Variants in ACD observed in about 807,000 individuals in gnomAD.
ACD encodes ACD shelterin complex subunit and telomerase recruitment factor, also known as adrenocortical dysplasia protein homolog.
A neutral mutation model predicts 53.9 loss-of-function variants in ACD; 39 were observed. That is an observed-to-expected ratio of 0.72 (90% CI 0.56 to 0.95). The LOEUF (loss-of-function observed/expected upper bound fraction) is 0.95. Ranked by LOEUF, ACD falls within the 40% of genes least tolerant of loss-of-function variation. ACD has a pLI of 0.00. For synonymous variants in ACD, 273 were observed against 249.2 expected (o/e 1.10, Z -0.90); for missense variants, 526 against 587.9 (o/e 0.89, Z 1.09).
At chr16:67,659,202 A>G (rs764181425) in intron 6 of ACD, 27 bp downstream of exon 6, 71 of 1,614,018 alleles carry the variant, frequency 4.4e-5, no homozygotes, top group Non-Finnish European at 5.9e-5. Flanking sequence ...ACAGCGTGTT[A>G]GGATCACTGG....
In ACD at chr16:67,659,617, G is replaced by A. The variant is rs201948166; in HGVS notation, c.337-4C>T. 6.2e-7 allele frequency: 1 copy of A among 1,613,408 alleles called. No homozygotes were observed. Among genetic ancestry groups the A allele is most frequent in the Non-Finnish European group, 8.5e-7 (1 of 1,179,984 alleles). ...CCTGGAGATAGAACTCTGCGGGCTG[G>A]AGGAGTTCGGGGGGAAGGGGGGGTC... On this transcript the variant is annotated splice_region_variant and splice_polypyrimidine_tract_variant and intron_variant, in intron 3 of 11. Transcript: ENST00000620761.
Position 67,657,864 on chromosome 16 carries a change from T to G in ACD, c.1207-11A>C. On this transcript the variant is annotated splice_polypyrimidine_tract_variant and intron_variant, in intron 10 of 11. Coordinates refer to ENST00000620761, the MANE Select transcript of ACD (RefSeq NM_001082486.2). This position sits in a 1 kb window ranked among gnomAD's most constrained non-coding sequence, Gnocchi z 4.5. ...CCTCTTTGGGGGTTCCTGAAAGGGG[T>G]ATGGTGTCTGGGGAAGAGCTAACAA... The G allele has an allele frequency of 6.2e-7, 1 of 1,613,654 alleles. No individual in the cohort carries two copies.
rs2142968732 is a variant in ACD at position 67,658,324 on chromosome 16, T to C, written c.868A>G (p.Ser290Gly). The change falls in exon 10 of 12, where the codon AGT becomes GGT. Residue 290 changes from serine (S) to glycine (G), a missense_variant. Coordinates refer to ENST00000620761, the MANE Select transcript of ACD (RefSeq NM_001082486.2). ...ALPGHMSSEE[S>G]GTSISLLPAL... is the part of the protein sequence containing the mutation. ...GGCAGAAGGCTGATGCTGGTACCAC[T>C]TTCCTCGGATGACATGTGGCCGGGT... The C allele has an allele frequency of 6.2e-7, 1 of 1,613,830 alleles. No individual in the cohort carries two copies. Among genetic ancestry groups the C allele is most frequent in the South Asian group, 1.1e-5 (1 of 91,086 alleles).
rs1567640723 is a variant in ACD at position 67,658,646 on chromosome 16, G to A, written c.743-5C>T. ...CTGGTGGGGGCAGCTCAGGGCCTGGGGGGTTCAGGAAGTCTTATCAGCACT... is the reference window on the plus strand; with the variant it reads ...CTGGTGGGGGCAGCTCAGGGCCTGGAGGGTTCAGGAAGTCTTATCAGCACT... On this transcript the variant is annotated splice_region_variant and splice_polypyrimidine_tract_variant and intron_variant, in intron 8 of 11. Coordinates refer to ENST00000620761, the MANE Select transcript of ACD (RefSeq NM_001082486.2). The A allele has an allele frequency of 1.3e-6, 2 of 1,581,304 alleles. No homozygotes were observed. The highest frequency in any genetic ancestry group is 1.7e-6 in the Non-Finnish European group (2 of 1,161,624).
chr16:67,659,348 G>A (rs2052949642), intron 5 of ACD, 27 bp downstream of exon 5: 2 of 1,613,932 alleles, frequency 1.2e-6, no homozygotes, highest in Admixed American at 1.7e-5. Flanking sequence ...AACAACACGT[G>A]GCCCCCGAGC....
rs755174684 is a variant in ACD, at chr16:67,658,862, C to T, written c.646-46G>A. On this transcript the variant is annotated intron_variant, in intron 7 of 11. Coordinates refer to ENST00000620761, the MANE Select transcript of ACD (RefSeq NM_001082486.2). ...AGGACAGGCCCGTTTACTCTCATGT[C>T]CTGTGGGATATGACCCTTGCCCAAC... is the stretch of plus-strand genomic sequence containing the variant. 15 of 1,603,180 alleles carry T rather than the reference C, an allele frequency of 9.4e-6. No individual in the cohort carries two copies. In the East Asian group the frequency reaches 1.3e-4, roughly 14 times the overall value.
In ACD at chr16:67,658,274, G is replaced by A. The variant is rs1192731071; in HGVS notation, c.918C>T (p.Asp306=). ...LLPALSLAAP[D]PGQRSSSQPS... ...GCTGGGAGCTGCTTCTCTGCCCTGG[G>A]TCTGGAGCAGCCAAGGACAGGGCAG... Residue 306 remains aspartate, a synonymous_variant, in exon 10 of 12, where the codon GAC becomes GAT. Transcript: ENST00000620761. 6.2e-7 allele frequency: 1 copy of A among 1,613,762 alleles called. No individual in the cohort carries two copies.
Position 67,658,633 on chromosome 16 carries a change from G to A in ACD, c.751C>T (p.Leu251=). ...GPCQRTQGPE[L]PPPDPALQDL... is the part of the protein sequence containing the mutation. ...TGCAGAGCCGGGTCTGGTGGGGGCA[G>A]CTCAGGGCCTGGGGGGTTCAGGAAG... is the stretch of plus-strand genomic sequence containing the variant. The change falls in exon 9 of 12, where the codon CTG becomes TTG. Residue 251 remains leucine (L), a synonymous_variant. Coordinates refer to ENST00000620761, the MANE Select transcript of ACD (RefSeq NM_001082486.2). The A allele has an allele frequency of 6.3e-7, 1 of 1,578,830 alleles. No homozygotes were observed. The highest frequency in any genetic ancestry group is 8.6e-7 in the Non-Finnish European group (1 of 1,161,022).
rs749931556 is a variant in ACD, at chr16:67,657,880, G to T, written c.1207-27C>A. ...TGAAAGGGGTATGGTGTCTGGGGAA[G>T]AGCTAACAAGGACCCCAACCCCATC... On this transcript the variant is annotated intron_variant, in intron 10 of 11. Coordinates refer to ENST00000620761, the MANE Select transcript of ACD (RefSeq NM_001082486.2). This position sits in a 1 kb window ranked among gnomAD's most constrained non-coding sequence, Gnocchi z 4.5. 2.5e-6 allele frequency: 4 copies of T among 1,613,760 alleles called. No homozygotes were observed. In the Admixed American group the frequency reaches 6.7e-5, roughly 27 times the overall value.
rs377247506 is a variant in ACD, at chr16:67,660,229, C to A, written c.-9G>T. On this transcript the variant is annotated 5_prime_UTR_variant, in exon 1 of 12. Transcript: ENST00000620761. The stretch of plus-strand genomic sequence containing the variant: ...CTCCCCGAACCTGCCATCCCCACGG[C>A]TACACCCAGCGGATGCAACGGGCCC... 58 of 1,612,604 alleles carry A rather than the reference C, an allele frequency of 3.6e-5. No homozygotes were observed. Among genetic ancestry groups the A allele is most frequent in the Middle Eastern group, 1.6e-4 (1 of 6,084 alleles).
At position 67,657,967 on chromosome 16, in the gene ACD, G is replaced by C. The variant is rs369838980; in HGVS notation, c.1206+19C>G. ...GCCTTCCTTGTTCTACCCTCCAGCT[G>C]CAGAGGGGCTATGCTCACCCAGACA... On this transcript the variant is annotated intron_variant, in intron 10 of 11. Transcript: ENST00000620761. This position sits in a 1 kb window ranked among gnomAD's most constrained non-coding sequence, Gnocchi z 4.5. 2.5e-6 allele frequency: 4 copies of C among 1,585,978 alleles called. No individual in the cohort carries two copies. The highest frequency in any genetic ancestry group is 2.6e-6 in the Non-Finnish European group (3 of 1,164,160).
chr16:67,657,968 C>T lies in ACD; in HGVS notation c.1206+18G>A, dbSNP rs2052906938. On this transcript the variant is annotated intron_variant, in intron 10 of 11. Transcript: ENST00000620761. This position sits in a 1 kb window ranked among gnomAD's most constrained non-coding sequence, Gnocchi z 4.5. ...CCTTCCTTGTTCTACCCTCCAGCTGCAGAGGGGCTATGCTCACCCAGACAG... is the reference window on the plus strand; with the variant it reads ...CCTTCCTTGTTCTACCCTCCAGCTGTAGAGGGGCTATGCTCACCCAGACAG... 1.3e-6 allele frequency: 2 copies of T among 1,585,596 alleles called. No homozygotes were observed. The highest frequency in any genetic ancestry group is 1.7e-6 in the Non-Finnish European group (2 of 1,163,910).
rs1345285917 is a variant in ACD, at chr16:67,659,590, C to CA, written c.359dup (p.Asp121GlyfsTer30). On this transcript the variant is annotated frameshift_variant, in exon 4 of 12. Transcript: ENST00000620761. LOFTEE classifies it high-confidence loss of function. The stretch of plus-strand genomic sequence containing the variant: ...CCGTGGGCAGCAGGCTGAAGCGGTC[C>CA]ACCTGGAGATAGAACTCTGCGGGCT... The CA allele has an allele frequency of 2.5e-6, 4 of 1,613,532 alleles. No homozygotes were observed. Among genetic ancestry groups the CA allele is most frequent in the Non-Finnish European group, 3.4e-6 (4 of 1,179,982 alleles).
chr16:67,659,460 T>A, intron 4 of ACD, 41 bp from the exon 5 acceptor site: 2 of 1,613,998 alleles, frequency 1.2e-6, no homozygotes, highest in Non-Finnish European at 1.7e-6. Context: ...GCCCAAGCCC[T>A]CCTACCCCAT....
Position 67,659,584 on chromosome 16 carries a change from G to A in ACD, c.366C>T (p.Arg122=). The change falls in exon 4 of 12, where the codon CGC becomes CGT. Residue 122 remains arginine (R), a synonymous_variant. Transcript: ENST00000620761. ...APAEFYLQVD[R]FSLLPTEQPR... ...GCTGCTCCGTGGGCAGCAGGCTGAA[G>A]CGGTCCACCTGGAGATAGAACTCTG... is the stretch of plus-strand genomic sequence containing the variant. The A allele has an allele frequency of 6.2e-7, 1 of 1,613,600 alleles. No homozygotes were observed. The highest frequency in any genetic ancestry group is 8.5e-7 in the Non-Finnish European group (1 of 1,179,980).
In ACD at chr16:67,659,737, A is replaced by T; in HGVS notation, c.301T>A (p.Cys101Ser). 2 of 1,613,226 alleles carry T rather than the reference A, an allele frequency of 1.2e-6. No individual in the cohort carries two copies. The highest frequency in any genetic ancestry group is 1.7e-6 in the Non-Finnish European group (2 of 1,179,874). Residue 101 changes from cysteine to serine, a missense_variant, in exon 3 of 12, where the codon TGC becomes AGC. Cys to Ser is a moderately radical substitution (Grantham distance 112). Coordinates refer to ENST00000620761, the MANE Select transcript of ACD (RefSeq NM_001082486.2). Reference sequence around the variant, plus strand: ...TCAGCGACCTGGACATGAACCCCGCAGTCCTGCAGCAGCAGCAGCCGGCCC... The same window carrying T: ...TCAGCGACCTGGACATGAACCCCGCTGTCCTGCAGCAGCAGCAGCCGGCCC... ...TEGRLLLLQD[C>S]GVHVQVAEGG...
intron 6 of ACD, 30 bp downstream of exon 6, chr16:67,659,199 G>T (rs1018665535): frequency 6.2e-7 from 1 of 1,613,882 alleles, no homozygotes. Flanking sequence ...TGCACAGCGT[G>T]TTAGGATCAC....
At chr16:67,659,156 G>A in intron 6 of ACD, 73 bp downstream of exon 6, 3 of 1,609,492 alleles carry the variant, frequency 1.9e-6, no homozygotes, top group Non-Finnish European at 2.6e-6. Context: ...ACAGCTTATT[G>A]AGGAAGCATA....
At chr16:67,659,313 A>G in intron 5 of ACD, 50 bp from the exon 6 acceptor site, 1 of 1,614,080 alleles carries the variant, frequency 6.2e-7, no homozygotes, top group Non-Finnish European at 8.5e-7. Context: ...AGGCCTGTCT[A>G]CCTAGATACA....
Sources: gnomAD v4.1 joint callset for allele counts on GRCh38, gnomAD v4.1.1 for gene constraint, Gnocchi (gnomAD v3.1) non-coding constraint, MANE v1.5 for transcripts, NCBI Gene and HGNC (gene_info 2026-07-23, HGNC 2026-07-21) for gene names.